VPS13A: variants seen among roughly 807,000 people sequenced by gnomAD.
The protein encoded by VPS13A is vacuolar protein sorting 13 homolog A.
Under a neutral mutation model 390.9 loss-of-function variants are expected in VPS13A, and 264 were observed. The ratio of observed to expected loss-of-function variants is 0.68; its 90% CI spans 0.61 to 0.75. The LOEUF is 0.75. Among genes scored for constraint, VPS13A ranks in the 30% least tolerant of loss-of-function variants. VPS13A has a pLI of 0.00. For synonymous variants in VPS13A, 1,231 were observed against 1,227.1 expected (o/e 1.00, Z -0.07); for missense variants, 3,409 against 3,733.9 (o/e 0.91, Z 2.27).
chr9:77,353,644 T>C lies in VPS13A; in HGVS notation c.7652+3T>C. 2 of 1,608,718 alleles carry C rather than the reference T, an allele frequency of 1.2e-6. No individual in the cohort carries two copies. The highest frequency in any genetic ancestry group is 1.7e-6 in the Non-Finnish European group (2 of 1,175,536). On this transcript the variant is annotated splice_donor_region_variant and intron_variant, in intron 54 of 71. Coordinates refer to ENST00000360280, the MANE Select transcript of VPS13A (RefSeq NM_033305.3). Reference sequence around the variant, plus strand: ...GTAGCCTATATAGGCATTACAAGGTTAGATGCATTAAATTTTGGATACATT... The same window carrying C: ...GTAGCCTATATAGGCATTACAAGGTCAGATGCATTAAATTTTGGATACATT...
chr9:77,307,511 G>A (rs2131408046), intron 34 of VPS13A, among the ~76,000 whole-genome samples: 1 of 152,102 alleles, frequency 6.6e-6, no homozygotes, highest in Non-Finnish European at 1.5e-5. Context: ...GGACTTTTTC[G>A]AGGTTCAAAT....
chr9:77,321,733 C>G lies in VPS13A; in HGVS notation c.5817C>G (p.Phe1939Leu). ...TGACCAGCCTAAGCAGCAAACTCTT[C>G]TTCATTCTTCTTAGTAAGTAGTTGA... ...NAMTSLSSKL[F>L]FILLTPVNHS... The change falls in exon 44 of 72, where the codon TTC becomes TTG. Residue 1939 changes from phenylalanine to leucine, a missense_variant. Around this residue, in one of 5 missense-constraint regions of VPS13A, gnomAD observed 2,717 missense variants for 2,917.4 expected, o/e 0.93. Transcript: ENST00000360280. The G allele has an allele frequency of 1.2e-6, 2 of 1,613,176 alleles. No homozygotes were observed. Among genetic ancestry groups the G allele is most frequent in the Non-Finnish European group, 1.7e-6 (2 of 1,179,420 alleles).
Position 77,275,511 on chromosome 9 carries a change from A to G in VPS13A, c.2526A>G (p.Glu842=). 1 of 1,613,672 alleles carries G rather than the reference A, an allele frequency of 6.2e-7. No individual in the cohort carries two copies. The highest frequency in any genetic ancestry group is 8.5e-7 in the Non-Finnish European group (1 of 1,179,746). ...PSVSEDDSEE[E]FFDAPCSPLE... is the part of the protein sequence containing the mutation. ...TGTGAAATGTAGATTCAGAGGAGGA[A>G]TTTTTTGATGCACCATGTAGTCCCT... The change falls in exon 25 of 72, where the codon GAA becomes GAG. Residue 842 remains glutamate, a synonymous_variant. Transcript: ENST00000360280.
chr9:77,244,054 A>G (rs1439560098), intron 19 of VPS13A, among the ~76,000 whole-genome samples: 11 of 152,158 alleles, frequency 7.2e-5, no homozygotes, highest in Admixed American at 7.2e-4. Flanking sequence ...CCTGGACAAC[A>G]TAGTGAGACC....
Position 77,246,885 on chromosome 9 carries a change from G to A in VPS13A, c.1901-374G>A, listed in dbSNP as rs1824848775. Among the ~76,000 whole-genome samples, 2 of 152,064 alleles carry A rather than the reference G, an allele frequency of 1.3e-5. 1 individual carries two copies. The highest frequency in any genetic ancestry group is 4.1e-4 in the South Asian group (2 of 4,832). On this transcript the variant is annotated intron_variant, in intron 19 of 71. Coordinates refer to ENST00000360280, the MANE Select transcript of VPS13A (RefSeq NM_033305.3). ...AAGATCAAGTGTTATTGTTCAGTAT[G>A]GTAAATGTAGCTTATGAAGTTTATG... is the stretch of plus-strand genomic sequence containing the variant.
rs141340832 is a variant in VPS13A, at chr9:77,369,310, G to A, written c.8565G>A (p.Gln2855=). 2.5e-5 allele frequency: 40 copies of A among 1,609,936 alleles called. No homozygotes were observed. The highest frequency in any genetic ancestry group is 1.1e-5 in the South Asian group (1 of 90,986). ...IRHYSKQAIK[Q]MYVLILGLDV... ...TATTTTATTTTTAGGCCATTAAGCAGATGTATGTACTCATTCTTGGACTTG... is the reference window on the plus strand; with the variant it reads ...TATTTTATTTTTAGGCCATTAAGCAAATGTATGTACTCATTCTTGGACTTG... Residue 2855 remains glutamine, a synonymous_variant, in exon 63 of 72, where the codon CAG becomes CAA. Transcript: ENST00000360280.
At chr9:77,381,938 A>C (rs896209544) in intron 67 of VPS13A, 38 bp from the exon 68 acceptor site, 1 of 1,388,050 alleles carries the variant, frequency 7.2e-7, no homozygotes, top group Non-Finnish European at 1.0e-6. Context: ...AAGTTTTTGA[A>C]TAATTTTTAA....
At chr9:77,406,680 G>A (rs1044787471) in intron 70 of VPS13A, among the ~76,000 whole-genome samples, 1 of 150,840 alleles carries the variant, frequency 6.6e-6, no homozygotes, top group Admixed American at 6.6e-5. Context: ...GCCTCCCAAA[G>A]TACTGTGATT....
At chr9:77,411,430 G>A (rs1200082944) in intron 71 of VPS13A, among the ~76,000 whole-genome samples, 19 of 151,984 alleles carry the variant, frequency 1.3e-4, no homozygotes, top group African/African-American at 3.4e-4. Context: ...TTGGGAGGCC[G>A]AGGCAGGCGG....
chr9:77,214,325 A>G lies in VPS13A; in HGVS notation c.697-4A>G. ...ATAAATAAAAGCAATTTGTCTTTTA[A>G]TAGGACGACTTGAAGAATGGCATTG... On this transcript the variant is annotated splice_polypyrimidine_tract_variant and splice_region_variant and intron_variant, in intron 9 of 71. Transcript: ENST00000360280. 1 of 1,612,454 alleles carries G rather than the reference A, an allele frequency of 6.2e-7. No homozygotes were observed. Among genetic ancestry groups the G allele is most frequent in the Non-Finnish European group, 8.5e-7 (1 of 1,178,714 alleles).
intron 38 of VPS13A, among the ~76,000 whole-genome samples, 164 bp downstream of exon 38, chr9:77,315,634 T>G (rs1339688845): frequency 6.8e-6 from 1 of 147,000 alleles, no homozygotes; most frequent in Non-Finnish European, 1.5e-5. Flanking sequence ...GGAGGATGTA[T>G]AGTTTGCATT....
At chr9:77,286,951 A>G (rs1827358088) in intron 31 of VPS13A, among the ~76,000 whole-genome samples, 1 of 152,042 alleles carries the variant, frequency 6.6e-6, no homozygotes, top group Admixed American at 6.6e-5. Flanking sequence ...CTGTACCTGA[A>G]GTCTCCTAGA....
intron 19 of VPS13A, among the ~76,000 whole-genome samples, chr9:77,245,268 A>G (rs1240310473): frequency 6.6e-6 from 1 of 152,208 alleles, no homozygotes; most frequent in African/African-American, 2.4e-5. Flanking sequence ...ACTTCCAGGG[A>G]GTACCAGAAC....
chr9:77,269,037 GTTTC>G (rs1826206042), intron 23 of VPS13A, among the ~76,000 whole-genome samples: 1 of 150,916 alleles, frequency 6.6e-6, no homozygotes, highest in African/African-American at 2.4e-5. Flanking sequence ...GAGTTTTTTT[GTTTC>G]TTTAATTGTC....
chr9:77,347,371 C>G (rs1382528536), intron 52 of VPS13A, among the ~76,000 whole-genome samples: 3 of 152,114 alleles, frequency 2.0e-5, no homozygotes, highest in African/African-American at 7.2e-5. Flanking sequence ...TAAATATTCC[C>G]TTCTTATGTA....
intron 24 of VPS13A, among the ~76,000 whole-genome samples, chr9:77,274,589 A>G (rs1826538738): frequency 6.6e-6 from 1 of 152,054 alleles, no homozygotes; most frequent in African/African-American, 2.4e-5. Context: ...ACATTTTTAA[A>G]AATATAATTA....
rs902756948 is a variant in VPS13A, at chr9:77,317,623, C to G, written c.4881C>G (p.Asp1627Glu). The G allele has an allele frequency of 1.9e-6, 3 of 1,601,302 alleles. No individual in the cohort carries two copies. The highest frequency in any genetic ancestry group is 2.6e-6 in the Non-Finnish European group (3 of 1,173,300). ...GKITTVLQPC[D>E]LFYQTTQKGT... ...TCTCATAGGTTTTGCAGCCCTGTGACTTGTTTTATCAAACTACTCAGAAAG... is the reference window on the plus strand; with the variant it reads ...TCTCATAGGTTTTGCAGCCCTGTGAGTTGTTTTATCAAACTACTCAGAAAG... The change falls in exon 40 of 72, where the codon GAC becomes GAG. Residue 1627 changes from aspartate (D) to glutamate (E), a missense_variant. By Grantham distance (45) the Asp-to-Glu change is conservative. Transcript: ENST00000360280.
chr9:77,210,815 C>T (rs966402906), intron 7 of VPS13A, 140 bp downstream of exon 7: 4 of 824,978 alleles, frequency 4.8e-6, no homozygotes, highest in African/African-American at 3.4e-5. Context: ...GGATTGGAAT[C>T]GAGGGTATGT....
intron 21 of VPS13A, 22 bp from the exon 22 acceptor site, chr9:77,252,213 A>T: frequency 6.4e-7 from 1 of 1,550,554 alleles, no homozygotes; most frequent in Non-Finnish European, 8.9e-7. Context: ...TACGTTAAAT[A>T]TGAACTATTT....
Sources: allele counts gnomAD v4.1 joint callset (sites outside exome capture counted in the v4.1 genomes callset), GRCh38; gene constraint gnomAD v4.1.1; regional missense constraint gnomAD v4.1.1; transcripts MANE v1.5; gene names NCBI Gene and HGNC (gene_info 2026-07-23, HGNC 2026-07-21).